Variants in CDK3 observed in about 807,000 individuals in gnomAD.
CDK3 encodes the protein cyclin-dependent kinase 3.
In CDK3, 24 loss-of-function variants were observed where a neutral mutation model predicts 30.2. The observed-to-expected ratio is 0.79, with a 90% confidence interval of 0.57 to 1.12. The LOEUF is 1.12. Ranked by LOEUF, CDK3 falls within the 50% of genes most tolerant of loss-of-function variation. The probability of loss-of-function intolerance (pLI) is 0.00; values close to 1 mark genes in which losing one functional copy is unlikely to be tolerated. For synonymous variants in CDK3, 158 were observed against 154.2 expected, an observed-to-expected ratio of 1.02 and a Z score of -0.18; for missense variants, 345 against 376.0, an observed-to-expected ratio of 0.92 and a Z score of 0.68.
In CDK3 at chr17:76,002,533, C is replaced by A; in HGVS notation, c.509C>A (p.Ala170Asp). The A allele has an allele frequency of 8.4e-7, 1 of 1,192,708 alleles. No homozygotes were observed. The highest frequency in any genetic ancestry group is 1.3e-6 in the Non-Finnish European group (1 of 794,992). 73.9% of individuals were successfully genotyped at this position (1,192,708 alleles called of 1,614,324 possible). The change falls in exon 6 of 8, where the codon GCC becomes GAC. Residue 170 changes from alanine (A) to aspartate (D), a missense_variant. Coordinates refer to ENST00000448471, the MANE Select transcript of CDK3 (RefSeq NM_001258.4). This position sits in a 1 kb window ranked among gnomAD's most constrained non-coding sequence, Gnocchi z 4.3. ...CAGGTGGTGACACTGTGGTATCGCG[C>A]CCCCGAGATTCTCTTGGGCAGCAAG... ...THEVVTLWYRAPEILLGSKFY... is the reference protein window; with the variant it reads ...THEVVTLWYRDPEILLGSKFY...
chr17:76,001,496 G>A lies in CDK3; in HGVS notation c.71G>A (p.Arg24Lys). 1.2e-5 allele frequency: 20 copies of A among 1,614,134 alleles called. 1 individual carries two copies. Among genetic ancestry groups the A allele is most frequent in the Non-Finnish European group, 1.6e-5 (19 of 1,179,962 alleles). The change falls in exon 2 of 8, where the codon AGG becomes AAG. Residue 24 changes from arginine to lysine, a missense_variant. Transcript: ENST00000448471. The surrounding 1 kb of genome is among the most constrained non-coding windows in gnomAD (Gnocchi z 6.2). ...GGGGTGGTGTACAAGGCCAAGAACA[G>A]GGAGACAGGGCAGCTGGTGGCCCTG... ...TYGVVYKAKN[R>K]ETGQLVALKK... is the part of the protein sequence containing the mutation.
Position 76,005,583 on chromosome 17 carries a change from AGCGAGATC to A in CDK3, c.*161_*168del. 1 of 818,214 alleles carries A rather than the reference AGCGAGATC, an allele frequency of 1.2e-6. No individual in the cohort carries two copies. Among genetic ancestry groups the A allele is most frequent in the Non-Finnish European group, 1.8e-6 (1 of 541,128 alleles). 50.7% of individuals were successfully genotyped at this position (818,214 alleles called of 1,614,324 possible). ...TCTGGGTTAGTCCTGCCCGCAGGTT[AGCGAGATC>A]CTGTGTTGTTTTTTGGGTTGGACGG... On this transcript the variant is annotated 3_prime_UTR_variant, in exon 8 of 8. Coordinates refer to ENST00000448471, the MANE Select transcript of CDK3 (RefSeq NM_001258.4). This position sits in a 1 kb window ranked among gnomAD's most constrained non-coding sequence, Gnocchi z 4.7.
In CDK3 at chr17:76,005,198, C is replaced by G; in HGVS notation, c.793-100C>G. 6.8e-7 allele frequency: 1 copy of G among 1,470,612 alleles called. No homozygotes were observed. The highest frequency in any genetic ancestry group is 9.1e-7 in the Non-Finnish European group (1 of 1,094,912). The allele number at this position is 1,470,612 out of a possible 1,614,324, so 91.1% of individuals were successfully genotyped here. A position where few individuals can be genotyped will look rare whatever the true frequency, so the allele number is the denominator to read the frequency against. Reference sequence around the variant, plus strand: ...ATGCGGTTCTGGGTTTGAGGGCAGCCAATTTGGGGCCCAGGCCCTTGATCT... The same window carrying G: ...ATGCGGTTCTGGGTTTGAGGGCAGCGAATTTGGGGCCCAGGCCCTTGATCT... On this transcript the variant is annotated intron_variant, in intron 7 of 7. Transcript: ENST00000448471. This position sits in a 1 kb window ranked among gnomAD's most constrained non-coding sequence, Gnocchi z 4.7.
At position 76,001,294 on chromosome 17, in the gene CDK3, C is replaced by G; in HGVS notation, c.-14-118C>G. The G allele has an allele frequency of 1.3e-6, 2 of 1,527,878 alleles. No individual in the cohort carries two copies. The highest frequency in any genetic ancestry group is 1.8e-6 in the Non-Finnish European group (2 of 1,140,590). The allele number at this position is 1,527,878 out of a possible 1,614,324, so 94.6% of individuals were successfully genotyped here. ...GGGTTGGGGTGGCTAGGCCGTGGGCCTTGGGAGCTGGGCAGTCTGGGCTGG... is the reference window on the plus strand; with the variant it reads ...GGGTTGGGGTGGCTAGGCCGTGGGCGTTGGGAGCTGGGCAGTCTGGGCTGG... On this transcript the variant is annotated intron_variant, in intron 1 of 7. Transcript: ENST00000448471. This position sits in a 1 kb window ranked among gnomAD's most constrained non-coding sequence, Gnocchi z 6.2.
chr17:76,005,212 G>A lies in CDK3; in HGVS notation c.793-86G>A. ...TTGAGGGCAGCCAATTTGGGGCCCA[G>A]GCCCTTGATCTGGGACCTGGGAGGG... is the stretch of plus-strand genomic sequence containing the variant. On this transcript the variant is annotated intron_variant, in intron 7 of 7. Transcript: ENST00000448471. The surrounding 1 kb of genome is among the most constrained non-coding windows in gnomAD (Gnocchi z 4.7). The A allele has an allele frequency of 6.5e-7, 1 of 1,534,040 alleles. No individual in the cohort carries two copies. The highest frequency in any genetic ancestry group is 8.8e-7 in the Non-Finnish European group (1 of 1,136,064).
In CDK3 at chr17:76,002,537, C is replaced by T. The variant is rs374751140; in HGVS notation, c.513C>T (p.Pro171=). The T allele has an allele frequency of 3.6e-5, 42 of 1,163,736 alleles. No homozygotes were observed. Among genetic ancestry groups the T allele is most frequent in the African/African-American group, 2.9e-4 (19 of 66,318 alleles). The allele number at this position is 1,163,736 out of a possible 1,614,324, so 72.1% of individuals were successfully genotyped here. ...TGGTGACACTGTGGTATCGCGCCCC[C>T]GAGATTCTCTTGGGCAGCAAGTTCT... ...HEVVTLWYRA[P]EILLGSKFYT... Residue 171 remains proline, a synonymous_variant, in exon 6 of 8, where the codon CCC becomes CCT. Coordinates refer to ENST00000448471, the MANE Select transcript of CDK3 (RefSeq NM_001258.4). This position sits in a 1 kb window ranked among gnomAD's most constrained non-coding sequence, Gnocchi z 4.3.
chr17:76,005,496 G>GA lies in CDK3; in HGVS notation c.*74dup. ...AGCTGCCTCCTACCCATTGCCAAGA[G>GA]AGGATGCATCTGGGGAGAGCAAAGC... On this transcript the variant is annotated 3_prime_UTR_variant, in exon 8 of 8. Coordinates refer to ENST00000448471, the MANE Select transcript of CDK3 (RefSeq NM_001258.4). The surrounding 1 kb of genome is among the most constrained non-coding windows in gnomAD (Gnocchi z 4.7). The GA allele has an allele frequency of 6.5e-7, 1 of 1,544,578 alleles. No individual in the cohort carries two copies. Among genetic ancestry groups the GA allele is most frequent in the Non-Finnish European group, 8.8e-7 (1 of 1,134,320 alleles).
At chr17:76,004,219 G>GTTTTTT (rs59029490) in intron 7 of CDK3, among the ~76,000 whole-genome samples, 6 of 92,296 alleles carry the variant, frequency 6.5e-5, no homozygotes, top group Non-Finnish European at 7.7e-5. Context: ...AGAACCGTCT[G>GTTTTTT]TTTTTTTTTT....
chr17:76,004,219 G>GTTT lies in CDK3; in HGVS notation c.792+836_792+838dup, dbSNP rs59029490. ...CAGGAAGTCTCTGGCAGAACCGTCTGTTTTTTTTTTTTTTTTTGAGACAGG... is the reference window on the plus strand; with the variant it reads ...CAGGAAGTCTCTGGCAGAACCGTCTGTTTTTTTTTTTTTTTTTTTTGAGACAGG... On this transcript the variant is annotated intron_variant, in intron 7 of 7. Transcript: ENST00000448471. Among the ~76,000 whole-genome samples the GTTT allele has an allele frequency of 1.6e-4, 15 of 92,322 alleles. 1 individual carries two copies. Among genetic ancestry groups the GTTT allele is most frequent in the Non-Finnish European group, 2.3e-4 (12 of 52,116 alleles). The allele number at this position is 92,322 out of a possible 152,430, so 60.6% of individuals were successfully genotyped here. A position where few individuals can be genotyped will look rare whatever the true frequency, so the allele number is the denominator to read the frequency against.
rs377464628 is a variant in CDK3, at chr17:76,002,376, G to A, written c.444G>A (p.Leu148=). 303 of 1,612,524 alleles carry A rather than the reference G, an allele frequency of 1.9e-4. No homozygotes were observed. The highest frequency in any genetic ancestry group is 2.6e-4 in the Non-Finnish European group (301 of 1,179,984). The part of the protein sequence containing the change: ...LGAIKLADFG[L]ARAFGVPLRT... ...CCATCAAGCTGGCTGACTTCGGCCTGGCTCGCGCCTTCGGGGTGCCCCTGC... is the reference window on the plus strand; with the variant it reads ...CCATCAAGCTGGCTGACTTCGGCCTAGCTCGCGCCTTCGGGGTGCCCCTGC... Residue 148 remains leucine (L), a synonymous_variant, in exon 5 of 8, where the codon CTG becomes CTA. Coordinates refer to ENST00000448471, the MANE Select transcript of CDK3 (RefSeq NM_001258.4). The surrounding 1 kb of genome is among the most constrained non-coding windows in gnomAD (Gnocchi z 4.3).
Position 76,003,216 on chromosome 17 carries a change from C to A in CDK3, c.610C>A (p.Pro204Thr). ...TCAGGTGACTCGAAAAGCCCTGTTT[C>A]CTGGTGACTCTGAGATTGACCAGCT... ...AEMVTRKALFPGDSEIDQLFR... is the reference protein window; with the variant it reads ...AEMVTRKALFTGDSEIDQLFR... The change falls in exon 7 of 8, where the codon CCT becomes ACT. Residue 204 changes from proline (P) to threonine (T), a missense_variant. Transcript: ENST00000448471. 1 of 1,614,202 alleles carries A rather than the reference C, an allele frequency of 6.2e-7. No individual in the cohort carries two copies. Among genetic ancestry groups the A allele is most frequent in the Non-Finnish European group, 8.5e-7 (1 of 1,180,030 alleles).
In CDK3 at chr17:76,001,536, G is replaced by A. The variant is rs1386768221; in HGVS notation, c.111G>A (p.Leu37=). 6.2e-7 allele frequency: 1 copy of A among 1,613,592 alleles called. No individual in the cohort carries two copies. The highest frequency in any genetic ancestry group is 1.7e-5 in the Admixed American group (1 of 59,990). The change falls in exon 2 of 8, where the codon CTG becomes CTA. Residue 37 remains leucine (L), a synonymous_variant. Transcript: ENST00000448471. The surrounding 1 kb of genome is among the most constrained non-coding windows in gnomAD (Gnocchi z 6.2). ...TGGTGGCCCTGAAGAAGATCAGACT[G>A]GATTTGTGAGTGCTGGGACGGCCCC... ...GQLVALKKIR[L]DLEMEGVPST...
At position 76,005,667 on chromosome 17, in the gene CDK3, G is replaced by A; in HGVS notation, c.*244G>A. The A allele has an allele frequency of 2.3e-6, 1 of 432,138 alleles. No individual in the cohort carries two copies. Among genetic ancestry groups the A allele is most frequent in the Non-Finnish European group, 4.1e-6 (1 of 244,368 alleles). The allele number at this position is 432,138 out of a possible 1,614,324, so 26.8% of individuals were successfully genotyped here. A position where few individuals can be genotyped will look rare whatever the true frequency, so the allele number is the denominator to read the frequency against. On this transcript the variant is annotated 3_prime_UTR_variant, in exon 8 of 8. Coordinates refer to ENST00000448471, the MANE Select transcript of CDK3 (RefSeq NM_001258.4). The surrounding 1 kb of genome is among the most constrained non-coding windows in gnomAD (Gnocchi z 4.7). ...TGCTCCATGCACGAGGGGTCCCCGG[G>A]CACTGGAACAAGTGCCAAGTTGAAG...
At chr17:76,004,289 A>G (rs2066291238) in intron 7 of CDK3, among the ~76,000 whole-genome samples, 1 of 132,430 alleles carries the variant, frequency 7.6e-6, no homozygotes, top group Non-Finnish European at 1.5e-5. Context: ...TGTGACCATG[A>G]CTTACTGCAG....
rs1258881665 is a variant in CDK3 at position 76,002,387 on chromosome 17, T to G, written c.455T>G (p.Phe152Cys). The change falls in exon 5 of 8, where the codon TTC becomes TGC. Residue 152 changes from phenylalanine to cysteine, a missense_variant. By Grantham distance (205) the Phe-to-Cys change is radical (BLOSUM62 -2). Transcript: ENST00000448471. This position sits in a 1 kb window ranked among gnomAD's most constrained non-coding sequence, Gnocchi z 4.3. The stretch of plus-strand genomic sequence containing the variant: ...GCTGACTTCGGCCTGGCTCGCGCCT[T>G]CGGGGTGCCCCTGCGCACCTACACC... ...KLADFGLARA[F>C]GVPLRTYTHE... is the part of the protein sequence containing the mutation. 1 of 1,612,102 alleles carries G rather than the reference T, an allele frequency of 6.2e-7. No individual in the cohort carries two copies. Among genetic ancestry groups the G allele is most frequent in the East Asian group, 2.2e-5 (1 of 44,820 alleles).
Position 76,001,228 on chromosome 17 carries a change from G to T in CDK3, c.-14-184G>T. ...GTCCGGGCTGGGCTGGGTGAGGGGC[G>T]GTTTCCGACCCCCAGCCAGGTTCCC... On this transcript the variant is annotated intron_variant, in intron 1 of 7. Transcript: ENST00000448471. The surrounding 1 kb of genome is among the most constrained non-coding windows in gnomAD (Gnocchi z 6.2). 6.9e-7 allele frequency: 1 copy of T among 1,451,348 alleles called. No individual in the cohort carries two copies. The highest frequency in any genetic ancestry group is 9.1e-7 in the Non-Finnish European group (1 of 1,101,690). 89.9% of individuals were successfully genotyped at this position (1,451,348 alleles called of 1,614,324 possible).
chr17:76,002,498 CT>C lies in CDK3; in HGVS notation c.487-10del, dbSNP rs766978077. 25 of 1,522,602 alleles carry C rather than the reference CT, an allele frequency of 1.6e-5. No homozygotes were observed. Among genetic ancestry groups the C allele is most frequent in the Admixed American group, 1.3e-4 (8 of 59,906 alleles). 94.3% of individuals were successfully genotyped at this position (1,522,602 alleles called of 1,614,324 possible). On this transcript the variant is annotated splice_polypyrimidine_tract_variant and intron_variant, in intron 5 of 7. Transcript: ENST00000448471. The surrounding 1 kb of genome is among the most constrained non-coding windows in gnomAD (Gnocchi z 4.3). Reference sequence around the variant, plus strand: ...TCAGCCACCCTGAGTGATACTGTTTCTTTGCCCTGCAGGTGGTGACACTGTG... The same window carrying C: ...TCAGCCACCCTGAGTGATACTGTTTCTTGCCCTGCAGGTGGTGACACTGTG...
At position 76,002,163 on chromosome 17, in the gene CDK3, A is replaced by G; in HGVS notation, c.315+21A>G. 3 of 1,613,524 alleles carry G rather than the reference A, an allele frequency of 1.9e-6. No homozygotes were observed. Among genetic ancestry groups the G allele is most frequent in the Non-Finnish European group, 2.5e-6 (3 of 1,179,790 alleles). On this transcript the variant is annotated intron_variant, in intron 4 of 7. Coordinates refer to ENST00000448471, the MANE Select transcript of CDK3 (RefSeq NM_001258.4). The surrounding 1 kb of genome is among the most constrained non-coding windows in gnomAD (Gnocchi z 4.3). ...TCAAGGTAGGGAAGGAAGGGCAGGG[A>G]AGGAGAGGTGACACCCCATCCCTGC...
rs140567861 is a variant in CDK3 at position 76,002,044 on chromosome 17, G to A, written c.217G>A (p.Glu73Lys). ...IVRLLDVVHN[E>K]RKLYLVFEFL... is the part of the protein sequence containing the mutation. ...CAGACTGCTGGACGTGGTGCACAAC[G>A]AGAGGAAGCTCTATCTGGTGTTTGA... Residue 73 changes from glutamate (E) to lysine (K), a missense_variant, in exon 4 of 8, where the codon GAG becomes AAG. Coordinates refer to ENST00000448471, the MANE Select transcript of CDK3 (RefSeq NM_001258.4). This position sits in a 1 kb window ranked among gnomAD's most constrained non-coding sequence, Gnocchi z 4.3. 2.2e-5 allele frequency: 35 copies of A among 1,613,878 alleles called. No individual in the cohort carries two copies. Among genetic ancestry groups the A allele is most frequent in the African/African-American group, 4.0e-5 (3 of 74,852 alleles).
Sources: allele counts gnomAD v4.1 joint callset (sites outside exome capture counted in the v4.1 genomes callset), GRCh38; gene constraint gnomAD v4.1.1; non-coding constraint Gnocchi (gnomAD v3.1); transcripts MANE v1.5; gene names NCBI Gene and HGNC (gene_info 2026-07-23, HGNC 2026-07-21).